Variants in VAV2 observed in about 807,000 individuals in gnomAD.
VAV2 encodes vav guanine nucleotide exchange factor 2.
In VAV2, 67 loss-of-function variants were observed where a neutral mutation model predicts 132.5. That is an observed-to-expected ratio of 0.51 (90% CI 0.42 to 0.62). The LOEUF is 0.62. VAV2 is among the 20% of genes least tolerant of loss of function. The pLI, the probability that VAV2 is intolerant of heterozygous loss-of-function variation, is 0.00. For missense variants in VAV2, 938 were observed against 1,153.6 expected (o/e 0.81, Z 2.71); for synonymous variants, 492 against 443.5 (o/e 1.11, Z -1.37).
chr9:133,937,531 T>C (rs1411651792), intron 2 of VAV2, among the ~76,000 whole-genome samples: 4 of 104,250 alleles, frequency 3.8e-5, no homozygotes, highest in African/African-American at 1.1e-4. Context: ...TGTGAGAGTG[T>C]GTGTGAGAGT....
At chr9:133,916,369 A>G (rs2789834) in intron 2 of VAV2, among the ~76,000 whole-genome samples, 136,479 of 152,272 alleles carry the variant, frequency 0.9, 62,842 homozygotes, top group East Asian at 1. Context: ...GTTTCTCTCC[A>G]CGGGATAAAG....
At chr9:133,799,885 A>G (rs1834865739) in intron 9 of VAV2, among the ~76,000 whole-genome samples, 1 of 152,158 alleles carries the variant, frequency 6.6e-6, no homozygotes, top group Admixed American at 6.5e-5. Context: ...GTGAGCGGAC[A>G]AGACACTGAC....
intron 2 of VAV2, among the ~76,000 whole-genome samples, chr9:133,894,844 C>G (rs80327689): frequency 5.9e-5 from 9 of 152,178 alleles, no homozygotes; most frequent in Admixed American, 5.9e-4. Context: ...CCTGCCATGA[C>G]GCTATGACCC....
chr9:133,964,702 C>A (rs182728094), intron 1 of VAV2, among the ~76,000 whole-genome samples: 1 of 152,068 alleles, frequency 6.6e-6, no homozygotes, highest in South Asian at 2.1e-4. Flanking sequence ...ATCACATCAA[C>A]AGAAGGAAGA....
At chr9:133,776,123 C>T in intron 23 of VAV2, 43 bp from the exon 24 acceptor site, 1 of 1,607,434 alleles carries the variant, frequency 6.2e-7, no homozygotes, top group Non-Finnish European at 8.5e-7. Context: ...CCCAGGGCCA[C>T]TCACAGAGCA....
intron 1 of VAV2, among the ~76,000 whole-genome samples, chr9:133,956,256 C>T (rs559142376): frequency 6.6e-6 from 1 of 152,166 alleles, no homozygotes; most frequent in African/African-American, 2.4e-5. Context: ...CGATGATCTC[C>T]AGAGGTGCCA....
At chr9:133,922,014 T>A (rs185754631) in intron 2 of VAV2, among the ~76,000 whole-genome samples, 1 of 152,326 alleles carries the variant, frequency 6.6e-6, no homozygotes, top group Non-Finnish European at 1.5e-5. Context: ...CACAGGTGTG[T>A]TTGGCTGGTG....
At chr9:133,930,817 G>A (rs150182733) in intron 2 of VAV2, among the ~76,000 whole-genome samples, 29 of 152,312 alleles carry the variant, frequency 1.9e-4, no homozygotes, top group Middle Eastern at 3.4e-3. Context: ...GGTGGTGTGC[G>A]TCCAGCGTCG....
intron 1 of VAV2, among the ~76,000 whole-genome samples, chr9:133,943,545 C>CT (rs1383963956): frequency 6.6e-6 from 1 of 152,226 alleles, no homozygotes; most frequent in Non-Finnish European, 1.5e-5. Context: ...GCATCCTGGA[C>CT]TTTAAGTCCA....
chr9:133,960,000 GC>G (rs2132219078), intron 1 of VAV2, among the ~76,000 whole-genome samples: 1 of 152,322 alleles, frequency 6.6e-6, no homozygotes, highest in South Asian at 2.1e-4. Flanking sequence ...TGCTGTGGCA[GC>G]CACAAAGCAC....
At chr9:133,791,215 C>G (rs758558302) in intron 13 of VAV2, among the ~76,000 whole-genome samples, 5 of 152,182 alleles carry the variant, frequency 3.3e-5, no homozygotes, top group Non-Finnish European at 7.4e-5. Context: ...CCAGGCAGGA[C>G]GAGGTGACTG....
chr9:133,819,846 AATG>A (rs1835715983), intron 4 of VAV2, among the ~76,000 whole-genome samples: 1 of 152,226 alleles, frequency 6.6e-6, no homozygotes, highest in African/African-American at 2.4e-5. Context: ...ACATATTCTA[AATG>A]ATGAGAGAGG....
At chr9:133,764,409 A>G (rs1376723392) in intron 29 of VAV2, among the ~76,000 whole-genome samples, 2 of 152,014 alleles carry the variant, frequency 1.3e-5, no homozygotes, top group African/African-American at 4.8e-5. Context: ...TTCTTAATAC[A>G]CAAGCTTGGC....
intron 4 of VAV2, among the ~76,000 whole-genome samples, chr9:133,814,249 G>A (rs1219142423): frequency 6.6e-6 from 1 of 152,198 alleles, no homozygotes; most frequent in East Asian, 1.9e-4. Context: ...TGCCACCAGC[G>A]ATGACACAAA....
intron 17 of VAV2, 144 bp from the exon 18 acceptor site, chr9:133,784,562 C>T: frequency 1.2e-6 from 1 of 821,464 alleles, no homozygotes; most frequent in African/African-American, 1.7e-5. Flanking sequence ...GCTCTGCCCG[C>T]AACATGGGGC....
At position 133,852,422 on chromosome 9, in the gene VAV2, T is replaced by A. The variant is rs571829373; in HGVS notation, c.380+8952A>T. ...CAGAAGGGTGGGGGGAGTGCGGGGATGGGAAGGAGGGAGTGAGAGGAGAAA... is the reference window on the plus strand; with the variant it reads ...CAGAAGGGTGGGGGGAGTGCGGGGAAGGGAAGGAGGGAGTGAGAGGAGAAA... On this transcript the variant is annotated intron_variant, in intron 3 of 29. Transcript: ENST00000371850. 2.0e-5 allele frequency among the ~76,000 whole-genome samples: 3 copies of A among 147,234 alleles called. 1 individual carries two copies. In the East Asian group the frequency reaches 6.1e-4, roughly 30 times the overall value.
chr9:133,892,268 T>A (rs938276815), intron 2 of VAV2, among the ~76,000 whole-genome samples: 8 of 151,072 alleles, frequency 5.3e-5, no homozygotes, highest in Non-Finnish European at 8.9e-5. Flanking sequence ...GTGTCCCGGG[T>A]TGGCTGCATG....
chr9:133,900,885 G>A (rs1839415177), intron 2 of VAV2, among the ~76,000 whole-genome samples: 1 of 151,498 alleles, frequency 6.6e-6, no homozygotes, highest in Admixed American at 6.6e-5. Context: ...TGCAACCTCC[G>A]CCTCCCGGGT....
chr9:133,767,121 A>C (rs542644726), intron 29 of VAV2, among the ~76,000 whole-genome samples: 2 of 152,306 alleles, frequency 1.3e-5, no homozygotes, highest in South Asian at 4.2e-4. Flanking sequence ...TAGATAATTT[A>C]AACCCAAACA....
Sources: gnomAD v4.1 joint callset for allele counts (sites outside exome capture counted in the v4.1 genomes callset) on GRCh38, gnomAD v4.1.1 for gene constraint, MANE v1.5 for transcripts, NCBI Gene and HGNC (gene_info 2026-07-23, HGNC 2026-07-21) for gene names.